The following CHCHD6 variants were observed in gnomAD, a reference collection of about 807,000 sequenced individuals.
CHCHD6 encodes the protein coiled-coil-helix-coiled-coil-helix domain containing 6, also known as MICOS complex subunit MIC25.
A neutral mutation model predicts 32.3 loss-of-function variants in CHCHD6; 28 were observed. That is an observed-to-expected ratio of 0.87 (90% CI 0.64 to 1.19). The LOEUF is 1.19. Among genes scored for constraint, CHCHD6 ranks in the 50% most tolerant of loss-of-function variants. CHCHD6 has a pLI of 0.00. For synonymous variants in CHCHD6, 122 were observed against 117.5 expected, an observed-to-expected ratio of 1.04 and a Z score of -0.25; for missense variants, 333 against 307.0, an observed-to-expected ratio of 1.08 and a Z score of -0.63.
In CHCHD6 at chr3:126,934,530, T is replaced by A. The variant is rs4679305; in HGVS notation, c.566+19780T>A. 4.4e-5 allele frequency among the ~76,000 whole-genome samples: 6 copies of A among 136,296 alleles called. No individual in the cohort carries two copies. In the East Asian group the frequency reaches 6.6e-4, roughly 15 times the overall value. The allele number at this position is 136,296 out of a possible 152,430, so 89.4% of individuals were successfully genotyped here. A position where few individuals can be genotyped will look rare whatever the true frequency, so the allele number is the denominator to read the frequency against. The stretch of plus-strand genomic sequence containing the variant: ...GGAACACTTGGAATGCACCCTCCCC[T>A]CTCTGCTTTTTTTTTTTTTTTTTTT... On this transcript the variant is annotated intron_variant, in intron 6 of 7. Coordinates refer to ENST00000290913, the MANE Select transcript of CHCHD6 (RefSeq NM_032343.3).
chr3:126,960,071 T>G, intron 7 of CHCHD6, 125 bp from the exon 8 acceptor site: 1 of 1,107,132 alleles, frequency 9.0e-7, no homozygotes, highest in South Asian at 1.4e-5. Flanking sequence ...GGTCTCCAGG[T>G]GAGGAGGGAG....
In CHCHD6 at chr3:126,731,497, C is replaced by G. The variant is rs575458493; in HGVS notation, c.266+867C>G. The stretch of plus-strand genomic sequence containing the variant: ...AGTACTTCTTTAATTGGGATCTTGT[C>G]ATGGTTAAATATGTTTATATATATC... On this transcript the variant is annotated intron_variant, in intron 3 of 7. Transcript: ENST00000290913. 1.6e-4 allele frequency among the ~76,000 whole-genome samples: 24 copies of G among 152,278 alleles called. No homozygotes were observed. The South Asian group carries it at 4.2e-3, about 26-fold the overall frequency.
intron 6 of CHCHD6, among the ~76,000 whole-genome samples, chr3:126,920,607 T>G (rs1332171779): frequency 6.6e-6 from 1 of 152,252 alleles, no homozygotes. Context: ...GACAAATGTT[T>G]TAAAAGAAGA....
intron 6 of CHCHD6, among the ~76,000 whole-genome samples, chr3:126,929,900 C>G (rs2078379225): frequency 6.6e-6 from 1 of 152,196 alleles, no homozygotes. Context: ...CTAAGTATGC[C>G]TTCCCCAACT....
intron 6 of CHCHD6, among the ~76,000 whole-genome samples, chr3:126,955,342 C>T (rs1231868646): frequency 6.6e-6 from 1 of 152,258 alleles, no homozygotes; most frequent in Non-Finnish European, 1.5e-5. Context: ...GGCTCATCTG[C>T]CCTGCATATG....
At chr3:126,783,843 C>T (rs1057283724) in intron 4 of CHCHD6, among the ~76,000 whole-genome samples, 5 of 151,832 alleles carry the variant, frequency 3.3e-5, no homozygotes, top group Admixed American at 6.6e-5. Context: ...TGCCATTTTA[C>T]GTGGTGGGAG....
At chr3:126,746,423 C>T (rs1195518849) in intron 4 of CHCHD6, among the ~76,000 whole-genome samples, 3 of 152,124 alleles carry the variant, frequency 2.0e-5, no homozygotes, top group Non-Finnish European at 2.9e-5. Flanking sequence ...TGTAGTGGTT[C>T]CCAGGAGGCC....
At chr3:126,777,479 T>TTAA (rs1306116956) in intron 4 of CHCHD6, among the ~76,000 whole-genome samples, 1 of 152,138 alleles carries the variant, frequency 6.6e-6, no homozygotes, top group African/African-American at 2.4e-5. Flanking sequence ...ACAGAAAAAA[T>TTAA]GCTAATCTTC....
intron 6 of CHCHD6, among the ~76,000 whole-genome samples, chr3:126,921,159 A>G (rs1401037337): frequency 6.6e-6 from 1 of 152,198 alleles, no homozygotes; most frequent in Admixed American, 6.5e-5. Flanking sequence ...CATTGAAGGC[A>G]CGGGTGACTC....
At chr3:126,950,766 G>A (rs1376174788) in intron 6 of CHCHD6, among the ~76,000 whole-genome samples, 1 of 152,046 alleles carries the variant, frequency 6.6e-6, no homozygotes, top group African/African-American at 2.4e-5. Flanking sequence ...GGATTTTCAT[G>A]GATGGGAAAG....
At chr3:126,730,253 C>T (rs1445850468) in intron 2 of CHCHD6, among the ~76,000 whole-genome samples, 1 of 152,154 alleles carries the variant, frequency 6.6e-6, no homozygotes, top group African/African-American at 2.4e-5. Context: ...TAGGAGATGA[C>T]CTGGATTCCA....
chr3:126,717,747 G>A (rs896920855), intron 1 of CHCHD6, among the ~76,000 whole-genome samples: 8 of 151,362 alleles, frequency 5.3e-5, no homozygotes, highest in African/African-American at 1.9e-4. Flanking sequence ...AAATGCATTT[G>A]TTAAGGTGGA....
chr3:126,713,016 C>T (rs942635116), intron 1 of CHCHD6, among the ~76,000 whole-genome samples: 1 of 152,192 alleles, frequency 6.6e-6, no homozygotes, highest in Non-Finnish European at 1.5e-5. Context: ...TTGAGCTTTA[C>T]CTTACAGCAG....
chr3:126,848,247 A>T (rs746546680), intron 4 of CHCHD6, among the ~76,000 whole-genome samples: 23 of 152,154 alleles, frequency 1.5e-4, no homozygotes, highest in Non-Finnish European at 2.8e-4. Context: ...GTCTTCTATT[A>T]CTACATTCTT....
chr3:126,868,692 A>G (rs1365753696), intron 5 of CHCHD6, among the ~76,000 whole-genome samples: 1 of 152,216 alleles, frequency 6.6e-6, no homozygotes, highest in African/African-American at 2.4e-5. Context: ...TAACCTTTTT[A>G]GAACACAGTC....
chr3:126,743,475 T>C (rs1936364484), intron 4 of CHCHD6, among the ~76,000 whole-genome samples: 1 of 152,204 alleles, frequency 6.6e-6, no homozygotes, highest in Admixed American at 6.5e-5. Context: ...AAATGGCTGA[T>C]TGCGGTTCCA....
intron 4 of CHCHD6, among the ~76,000 whole-genome samples, chr3:126,776,971 G>C (rs2107679366): frequency 6.6e-6 from 1 of 152,126 alleles, no homozygotes; most frequent in Non-Finnish European, 1.5e-5. Context: ...CTAGTTTCAG[G>C]GTCTTCCTCT....
At chr3:126,931,135 G>A (rs1056076213) in intron 6 of CHCHD6, among the ~76,000 whole-genome samples, 2 of 152,182 alleles carry the variant, frequency 1.3e-5, no homozygotes, top group African/African-American at 4.8e-5. Context: ...ATGAGGCTTT[G>A]CTTCCCACCG....
chr3:126,944,159 T>C (rs143606262), intron 6 of CHCHD6, among the ~76,000 whole-genome samples: 25 of 152,332 alleles, frequency 1.6e-4, no homozygotes, highest in African/African-American at 6.0e-4. Context: ...CTGAGCTGTG[T>C]TCAGGAATAG....
Sources: allele counts gnomAD v4.1 joint callset (sites outside exome capture counted in the v4.1 genomes callset), GRCh38; gene constraint gnomAD v4.1.1; transcripts MANE v1.5; gene names NCBI Gene and HGNC (gene_info 2026-07-23, HGNC 2026-07-21).